ATG3: variants seen among roughly 807,000 people sequenced by gnomAD.
The protein encoded by ATG3 is autophagy related 3, also known as ubiquitin-like-conjugating enzyme ATG3.
A neutral mutation model predicts 50.7 loss-of-function variants in ATG3; 25 were observed. The ratio of observed to expected loss-of-function variants is 0.49; its 90% CI spans 0.36 to 0.69. ATG3 has a LOEUF of 0.69. Ranked by LOEUF, ATG3 falls within the 30% of genes least tolerant of loss-of-function variation. The probability of loss-of-function intolerance (pLI) is 0.00; values close to 1 mark genes in which losing one functional copy is unlikely to be tolerated. For synonymous variants in ATG3, 119 were observed against 125.5 expected, an observed-to-expected ratio of 0.95 and a Z score of 0.34; for missense variants, 281 against 376.0, an observed-to-expected ratio of 0.75 and a Z score of 2.09.
At chr3:112,540,310 A>G (rs1182560057) in intron 7 of ATG3, among the ~76,000 whole-genome samples, 1 of 152,216 alleles carries the variant, frequency 6.6e-6, no homozygotes, top group African/African-American at 2.4e-5. Context: ...ACTTGCCATT[A>G]TGGTGTTTCA....
At chr3:112,537,055 A>G (rs1933077379) in intron 9 of ATG3, among the ~76,000 whole-genome samples, 1 of 151,304 alleles carries the variant, frequency 6.6e-6, no homozygotes, top group African/African-American at 2.4e-5. Context: ...AGAATTCTAG[A>G]CTGTTTAGAA....
intron 2 of ATG3, among the ~76,000 whole-genome samples, chr3:112,554,307 CTTAA>C (rs1360304064): frequency 6.6e-6 from 1 of 152,216 alleles, no homozygotes; most frequent in East Asian, 1.9e-4. Context: ...TGAAAATAGC[CTTAA>C]TTGATGACAC....
At chr3:112,543,947 A>C in intron 6 of ATG3, 110 bp downstream of exon 6, 1 of 758,404 alleles carries the variant, frequency 1.3e-6, no homozygotes, top group Non-Finnish European at 2.0e-6. Context: ...ATAATAAAAA[A>C]CCAGGGTTTT....
chr3:112,538,414 T>A (rs1295757595), intron 7 of ATG3: 1 of 444,486 alleles, frequency 2.2e-6, no homozygotes, highest in Non-Finnish European at 4.0e-6. Flanking sequence ...GAGTCCTCAG[T>A]GGCTCCACAG....
chr3:112,541,968 C>A lies in ATG3; in HGVS notation c.394-84G>T, dbSNP rs987462556. 2.5e-5 allele frequency: 25 copies of A among 1,012,742 alleles called. No individual in the cohort carries two copies. The East Asian group carries it at 6.6e-4, about 27-fold the overall frequency. The allele number at this position is 1,012,742 out of a possible 1,614,324, so 62.7% of individuals were successfully genotyped here. A position where few individuals can be genotyped will look rare whatever the true frequency, so the allele number is the denominator to read the frequency against. ...CACCCATGTGCTAGCACAGTGGTAACCACTGTGAAAATAAGAATGACAAGG... is the reference window on the plus strand; with the variant it reads ...CACCCATGTGCTAGCACAGTGGTAAACACTGTGAAAATAAGAATGACAAGG... On this transcript the variant is annotated intron_variant, in intron 6 of 11. Coordinates refer to ENST00000283290, the MANE Select transcript of ATG3 (RefSeq NM_022488.5).
intron 7 of ATG3, among the ~76,000 whole-genome samples, chr3:112,540,377 T>A (rs562524473): frequency 5.3e-5 from 8 of 152,244 alleles, no homozygotes; most frequent in Admixed American, 5.2e-4. Flanking sequence ...TCTATCTCAC[T>A]CTAAAGTCTA....
intron 11 of ATG3, chr3:112,533,848 C>T (rs1362307261): frequency 2.0e-6 from 2 of 990,412 alleles, no homozygotes; most frequent in African/African-American, 3.5e-5. Flanking sequence ...TAAAGCACTT[C>T]ACGTAGTACA....
In ATG3 at chr3:112,533,340, T is replaced by G. The variant is rs140361763; in HGVS notation, c.864-560A>C. ...TTACTTTTCATTGGGGGAAACCAAT[T>G]ACTATTATGAATTATATATAGACAG... On this transcript the variant is annotated intron_variant, in intron 11 of 11. Coordinates refer to ENST00000283290, the MANE Select transcript of ATG3 (RefSeq NM_022488.5). 8,206 of 985,176 alleles carry G rather than the reference T, an allele frequency of 8.3e-3. 38 individuals are homozygous for G. Among genetic ancestry groups the G allele is most frequent in the Middle Eastern group, 0.013 (24 of 1,914 alleles). 61.0% of individuals were successfully genotyped at this position (985,176 alleles called of 1,614,324 possible). A position where few individuals can be genotyped will look rare whatever the true frequency, so the allele number is the denominator to read the frequency against.
Position 112,558,427 on chromosome 3 carries a change from G to A in ATG3, c.73-10C>T, listed in dbSNP as rs751967077. The A allele has an allele frequency of 1.9e-6, 3 of 1,584,220 alleles. No individual in the cohort carries two copies. The highest frequency in any genetic ancestry group is 2.6e-6 in the Non-Finnish European group (3 of 1,153,758). ...CCTTAAACTTTGATTCCTAAAAAAA[G>A]CAGAAAGAAAAACAATATTATATCA... On this transcript the variant is annotated splice_polypyrimidine_tract_variant and intron_variant, in intron 1 of 11. Transcript: ENST00000283290.
rs1300374640 is a variant in ATG3 at position 112,541,830 on chromosome 3, C to T, written c.448G>A (p.Asp150Asn). 1 of 1,612,306 alleles carries T rather than the reference C, an allele frequency of 6.2e-7. No homozygotes were observed. Among genetic ancestry groups the T allele is most frequent in the East Asian group, 2.2e-5 (1 of 44,808 alleles). The change falls in exon 7 of 12, where the codon GAT (aspartate) becomes AAT (asparagine). Residue 150 changes from aspartate to asparagine, a missense_variant. Physicochemically the swap from Asp to Asn is conservative, Grantham distance 23. Transcript: ENST00000283290. ...SALCEEEEDE[D>N]EGEAADMEEY... The stretch of plus-strand genomic sequence containing the variant: ...TCCATATCTGCAGCTTCTCCTTCAT[C>T]TTCATCTTCTTCCTCTTCACATAGT...
rs1279996259 is a variant in ATG3 at position 112,532,644 on chromosome 3, GTTAA to G, written c.*51_*54del. 4 of 1,371,212 alleles carry G rather than the reference GTTAA, an allele frequency of 2.9e-6. No homozygotes were observed. The highest frequency in any genetic ancestry group is 2.3e-5 in the Admixed American group (1 of 44,348). The allele number at this position is 1,371,212 out of a possible 1,614,324, so 84.9% of individuals were successfully genotyped here. On this transcript the variant is annotated 3_prime_UTR_variant, in exon 12 of 12. Transcript: ENST00000283290. ...ATATGGTCAATGGTCACATCTATGG[GTTAA>G]TTCTTTAAAAATCAGAACCAATAAT... is the stretch of plus-strand genomic sequence containing the variant.
chr3:112,535,877 A>C (rs1933030105), intron 10 of ATG3: 1 of 152,264 alleles, frequency 6.6e-6, no homozygotes. Flanking sequence ...ACTGTTTTTT[A>C]AGAAAAATTC....
chr3:112,541,258 G>A (rs939505892), intron 7 of ATG3, among the ~76,000 whole-genome samples: 2 of 152,102 alleles, frequency 1.3e-5, no homozygotes, highest in Admixed American at 1.3e-4. Flanking sequence ...GTGGTGGCAT[G>A]CACCTGTAGT....
intron 7 of ATG3, among the ~76,000 whole-genome samples, chr3:112,538,792 G>A (rs917474424): frequency 1.3e-5 from 2 of 152,110 alleles, no homozygotes; most frequent in African/African-American, 4.8e-5. Flanking sequence ...AAATACTGAT[G>A]ACTTTCAAAT....
Position 112,541,874 on chromosome 3 carries a change from C to T in ATG3, c.404G>A (p.Arg135Lys), listed in dbSNP as rs1369410828. Reference protein sequence around the residue: ...EITLENKDNIRLQDCSALCEE... With the variant: ...EITLENKDNIKLQDCSALCEE... ...ACATAGTGCTGAGCAATCTTGAAGC[C>T]TTATATTGTCCTTTGAAATTAATTA... is the stretch of plus-strand genomic sequence containing the variant. Residue 135 changes from arginine to lysine, a missense_variant, in exon 7 of 12, where the codon AGG becomes AAG. This residue lies in a region of ATG3 where 242 missense variants were observed against 305.0 expected (regional missense o/e 0.79). Transcript: ENST00000283290. 15 of 1,610,030 alleles carry T rather than the reference C, an allele frequency of 9.3e-6. No homozygotes were observed. Among genetic ancestry groups the T allele is most frequent in the African/African-American group, 1.3e-5 (1 of 74,816 alleles).
At position 112,532,987 on chromosome 3, in the gene ATG3, T is replaced by C. The variant is rs367908644; in HGVS notation, c.864-207A>G. ...GACTACCTGACCACTCATTCGATTA[T>C]TGAATTTGAAACTTCTTAATGAGTA... is the stretch of plus-strand genomic sequence containing the variant. On this transcript the variant is annotated intron_variant, in intron 11 of 11. Transcript: ENST00000283290. 4.8e-4 allele frequency: 576 copies of C among 1,196,918 alleles called. 5 individuals carry two copies. In the African/African-American group the frequency reaches 8.4e-3, roughly 18 times the overall value. 74.1% of individuals were successfully genotyped at this position (1,196,918 alleles called of 1,614,324 possible).
chr3:112,533,586 A>G, intron 11 of ATG3: 1 of 985,316 alleles, frequency 1.0e-6, no homozygotes, highest in Non-Finnish European at 1.2e-6. Context: ...AGCCGAAACC[A>G]CCACCAAGTC....
chr3:112,558,407 A>C lies in ATG3; in HGVS notation c.83T>G (p.Phe28Cys). The change falls in exon 2 of 12, where the codon TTT becomes TGT. Residue 28 changes from phenylalanine (F) to cysteine (C), a missense_variant. Physicochemically the swap from Phe to Cys is radical, Grantham distance 205. Transcript: ENST00000283290. ...TGGGGTAATTACACCTGTTTCCTTA[A>C]ACTTTGATTCCTAAAAAAAGCAGAA... ...YLTPVLKESK[F>C]KETGVITPEE... is the part of the protein sequence containing the mutation. The C allele has an allele frequency of 6.2e-7, 1 of 1,601,982 alleles. No homozygotes were observed. The highest frequency in any genetic ancestry group is 8.6e-7 in the Non-Finnish European group (1 of 1,169,504).
In ATG3 at chr3:112,557,818, G is replaced by GA. The variant is rs34657779; in HGVS notation, c.114+557dup. Reference sequence around the variant, plus strand: ...CCAAAAAGTGGTGTTTTCATTGGCAGAAAAAAAAAAATTCAAGCTTAAATA... The same window carrying GA: ...CCAAAAAGTGGTGTTTTCATTGGCAGAAAAAAAAAAAATTCAAGCTTAAATA... On this transcript the variant is annotated intron_variant, in intron 2 of 11. Transcript: ENST00000283290. Among the ~76,000 whole-genome samples, 638 of 146,516 alleles carry GA rather than the reference G, an allele frequency of 4.4e-3. 6 individuals are homozygous for GA. The highest frequency in any genetic ancestry group is 0.014 in the African/African-American group (557 of 40,214).
Sources: gnomAD v4.1 joint callset for allele counts (sites outside exome capture counted in the v4.1 genomes callset) on GRCh38, gnomAD v4.1.1 for gene constraint, gnomAD v4.1.1 regional missense constraint, MANE v1.5 for transcripts, NCBI Gene and HGNC (gene_info 2026-07-23, HGNC 2026-07-21) for gene names.